The following SYT16 variants were observed in gnomAD, a reference collection of about 807,000 sequenced individuals.
SYT16 encodes synaptotagmin-16.
In SYT16, 42 loss-of-function variants were observed where a neutral mutation model predicts 61.4. The observed-to-expected ratio is 0.68, with a 90% CI of 0.53 to 0.89. The LOEUF (loss-of-function observed/expected upper bound fraction) is 0.89, where lower values mean the gene tolerates loss of function less well. Among genes scored for constraint, SYT16 ranks in the 40% least tolerant of loss-of-function variants. The pLI, the probability that SYT16 is intolerant of heterozygous loss-of-function variation, is 0.00. For missense variants in SYT16, 804 were observed against 807.3 expected (o/e 1.00, Z 0.05); for synonymous variants, 314 against 302.3 (o/e 1.04, Z -0.40).
At chr14:61,941,533 C>T (rs1264439846) in intron 1 of SYT16, among the ~76,000 whole-genome samples, 1 of 152,186 alleles carries the variant, frequency 6.6e-6, no homozygotes, top group Non-Finnish European at 1.5e-5. Flanking sequence ...CTACTTTTCC[C>T]TCTTTCCAGC....
chr14:62,074,709 C>G (rs1294530474), intron 4 of SYT16, among the ~76,000 whole-genome samples: 1 of 152,094 alleles, frequency 6.6e-6, no homozygotes, highest in Admixed American at 6.6e-5. Context: ...ATCACCAAAG[C>G]TTTTTGAGCA....
intron 7 of SYT16, among the ~76,000 whole-genome samples, chr14:62,093,459 C>T (rs1162909148): frequency 6.6e-6 from 1 of 151,884 alleles, no homozygotes; most frequent in African/African-American, 2.4e-5. Context: ...CTCTCTTTTT[C>T]CCAGTCCCTG....
chr14:62,056,999 G>A (rs2055590465), intron 3 of SYT16, among the ~76,000 whole-genome samples: 1 of 152,176 alleles, frequency 6.6e-6, no homozygotes, highest in African/African-American at 2.4e-5. Flanking sequence ...CGCGCTGGGG[G>A]GCACGGCGCA....
At chr14:61,996,663 A>G (rs911112161) in intron 3 of SYT16, 121 bp downstream of exon 3, 2 of 1,206,668 alleles carry the variant, frequency 1.7e-6, no homozygotes, top group Non-Finnish European at 2.3e-6. Flanking sequence ...ACCTTCCCAC[A>G]TACTGGCTTC....
chr14:62,075,502 A>C, intron 5 of SYT16, 111 bp downstream of exon 5: 1 of 1,265,542 alleles, frequency 7.9e-7, no homozygotes, highest in Non-Finnish European at 1.0e-6. Context: ...AGGAAGCATT[A>C]CTTTTATCTG....
At chr14:62,011,250 A>G (rs11158372) in intron 3 of SYT16, among the ~76,000 whole-genome samples, 87,235 of 151,916 alleles carry the variant, frequency 0.57, 26,291 homozygotes, top group African/African-American at 0.75. Context: ...TTTGGGACCC[A>G]GTTTCTCCCC....
chr14:62,096,036 A>C (rs970646165), intron 7 of SYT16, among the ~76,000 whole-genome samples: 8 of 152,142 alleles, frequency 5.3e-5, no homozygotes, highest in Non-Finnish European at 7.4e-5. Flanking sequence ...AATCCTTCCC[A>C]TATACAAAAT....
At chr14:61,891,633 G>A (rs759185623) in intron 1 of SYT16, among the ~76,000 whole-genome samples, 1 of 152,198 alleles carries the variant, frequency 6.6e-6, no homozygotes, top group Admixed American at 6.5e-5. Context: ...TCAGGAAAAG[G>A]TGATAAAGGT....
chr14:61,995,568 G>C (rs762014617), intron 2 of SYT16, among the ~76,000 whole-genome samples: 4 of 152,158 alleles, frequency 2.6e-5, no homozygotes, highest in African/African-American at 9.6e-5. Flanking sequence ...TGCCCAATTG[G>C]ATCTTAATGA....
chr14:61,965,010 T>C (rs1419692369), intron 1 of SYT16, among the ~76,000 whole-genome samples: 2 of 152,186 alleles, frequency 1.3e-5, no homozygotes, highest in African/African-American at 4.8e-5. Flanking sequence ...ACATAACTTT[T>C]ATATGCACTG....
intron 1 of SYT16, among the ~76,000 whole-genome samples, chr14:61,905,236 G>A (rs190507681): frequency 6.2e-4 from 94 of 152,280 alleles, no homozygotes; most frequent in Non-Finnish European, 1.1e-3. Flanking sequence ...TGATTTCTGC[G>A]AACACATCTT....
chr14:62,036,951 T>A (rs72718569), intron 3 of SYT16, among the ~76,000 whole-genome samples: 1 of 152,002 alleles, frequency 6.6e-6, no homozygotes, highest in Non-Finnish European at 1.5e-5. Context: ...GGGGCTGAGA[T>A]GAACAAAGAG....
intron 3 of SYT16, among the ~76,000 whole-genome samples, chr14:62,037,582 G>C (rs2054560688): frequency 1.3e-5 from 2 of 152,178 alleles, no homozygotes; most frequent in African/African-American, 4.8e-5. Context: ...GTTATTTAGA[G>C]TGTTTACTTA....
intron 3 of SYT16, among the ~76,000 whole-genome samples, chr14:62,023,754 G>A (rs940811804): frequency 6.6e-6 from 1 of 152,078 alleles, no homozygotes; most frequent in African/African-American, 2.4e-5. Flanking sequence ...GCTTTTAGAG[G>A]TGGCTTTTGT....
chr14:62,003,117 C>A (rs923933573), intron 3 of SYT16, among the ~76,000 whole-genome samples: 1 of 151,992 alleles, frequency 6.6e-6, no homozygotes, highest in Non-Finnish European at 1.5e-5. Flanking sequence ...GGGGACACAG[C>A]CAAAACTTAT....
chr14:62,063,517 G>T (rs2055919560), intron 3 of SYT16, among the ~76,000 whole-genome samples: 1 of 152,084 alleles, frequency 6.6e-6, no homozygotes, highest in African/African-American at 2.4e-5. Flanking sequence ...ACTTGCTTAG[G>T]TCCCAGACTC....
rs1892054 is a variant in SYT16 at position 62,102,874 on chromosome 14, G to A, written c.*2167G>A. 0.13 allele frequency: 20,125 copies of A among 152,066 alleles called. 1,475 individuals carry two copies. Among genetic ancestry groups the A allele is most frequent in the Middle Eastern group, 0.21 (62 of 294 alleles). 9.4% of individuals were successfully genotyped at this position (152,066 alleles called of 1,614,324 possible). A position where few individuals can be genotyped will look rare whatever the true frequency, so the allele number is the denominator to read the frequency against. ...CCACCCATTTTTAAGGTTTTCGGCTGGTGTAGTGAAGATATTTGTGTGCTT... is the reference window on the plus strand; with the variant it reads ...CCACCCATTTTTAAGGTTTTCGGCTAGTGTAGTGAAGATATTTGTGTGCTT... On this transcript the variant is annotated 3_prime_UTR_variant, in exon 8 of 8. Transcript: ENST00000683842.
intron 1 of SYT16, among the ~76,000 whole-genome samples, chr14:61,870,509 T>C (rs2047298937): frequency 6.6e-6 from 1 of 152,136 alleles, no homozygotes; most frequent in Admixed American, 6.5e-5. Flanking sequence ...AGGTTTATAA[T>C]TTTCTTCATA....
At chr14:61,924,602 A>G (rs1228034978) in intron 1 of SYT16, among the ~76,000 whole-genome samples, 2 of 152,194 alleles carry the variant, frequency 1.3e-5, no homozygotes, top group Admixed American at 6.5e-5. Flanking sequence ...AGTTAGTGCT[A>G]TCGGCTACAT....
Sources: gnomAD v4.1 joint callset for allele counts (sites outside exome capture counted in the v4.1 genomes callset) on GRCh38, gnomAD v4.1.1 for gene constraint, MANE v1.5 for transcripts, NCBI Gene and HGNC (gene_info 2026-07-23, HGNC 2026-07-21) for gene names.